The following ZNF529 variants were observed in gnomAD, a reference collection of about 807,000 sequenced individuals.
ZNF529 encodes zinc finger protein 529.
A neutral mutation model predicts 10.1 loss-of-function variants in ZNF529; 11 were observed. The ratio of observed to expected loss-of-function variants is 1.09; its 90% CI spans 0.69 to 1.81. ZNF529 has a LOEUF of 1.81. ZNF529 is among the 40% of genes most tolerant of loss of function. ZNF529 has a pLI of 0.00. For missense variants in ZNF529, 624 were observed against 666.8 expected (o/e 0.94, Z 0.71); for synonymous variants, 204 against 215.7 (o/e 0.95, Z 0.47).
intron 2 of ZNF529, among the ~76,000 whole-genome samples, chr19:36,562,611 G>T (rs778570360): frequency 6.6e-6 from 1 of 151,774 alleles, no homozygotes; most frequent in Non-Finnish European, 1.5e-5. Context: ...CGAGGTGGGC[G>T]GATCACGAGG....
chr19:36,554,790 C>T lies in ZNF529; in HGVS notation c.115G>A (p.Val39Met). The change falls in exon 4 of 5, where the codon GTG becomes ATG. Residue 39 changes from valine (V) to methionine (M), a missense_variant. Physicochemically the swap from Val to Met is conservative, Grantham distance 21 (BLOSUM62 1). Transcript: ENST00000591340. Reference protein sequence around the residue: ...FTVLTMDHELVTLRDVVINFS... With the variant: ...FTVLTMDHELMTLRDVVINFS... ...TTGATGACCACATCCCTGAGTGTCA[C>T]CAGTTCCTGAAACAACAAACCCGTA... is the stretch of plus-strand genomic sequence containing the variant. 6.4e-7 allele frequency: 1 copy of T among 1,555,518 alleles called. No individual in the cohort carries two copies. The highest frequency in any genetic ancestry group is 2.0e-5 in the Admixed American group (1 of 51,264).
intron 1 of ZNF529, among the ~76,000 whole-genome samples, chr19:36,590,929 CAA>C (rs34193887): frequency 7.2e-4 from 76 of 106,002 alleles, no homozygotes; most frequent in South Asian, 1.6e-3. Context: ...GACTCCGTCT[CAA>C]AAAAAAAAAA....
At chr19:36,560,236 A>G (rs1197155251) in intron 2 of ZNF529, among the ~76,000 whole-genome samples, 1 of 140,388 alleles carries the variant, frequency 7.1e-6, no homozygotes, top group Non-Finnish European at 1.5e-5. Flanking sequence ...CAGCCTGGGC[A>G]ACAAGAGCGA....
At chr19:36,548,585 G>A (rs2035142509) in intron 4 of ZNF529, among the ~76,000 whole-genome samples, 1 of 152,184 alleles carries the variant, frequency 6.6e-6, no homozygotes, top group African/African-American at 2.4e-5. Flanking sequence ...AAAATCTGTA[G>A]ATGTAGAACT....
chr19:36,552,331 G>T (rs1211763237), intron 4 of ZNF529, among the ~76,000 whole-genome samples: 1 of 152,140 alleles, frequency 6.6e-6, no homozygotes, highest in Non-Finnish European at 1.5e-5. Context: ...TCGGGAGGCT[G>T]AGACAGAATG....
upstream of ZNF529, among the ~76,000 whole-genome samples, chr19:36,578,254 C>A (rs8112546): frequency 7.8e-6 from 1 of 127,978 alleles, no homozygotes; most frequent in East Asian, 2.4e-4. Flanking sequence ...TTAGTAGAGA[C>A]GAGGTTTCAA....
intron 4 of ZNF529, among the ~76,000 whole-genome samples, chr19:36,550,843 A>T (rs1379079493): frequency 6.6e-6 from 1 of 152,226 alleles, no homozygotes; most frequent in African/African-American, 2.4e-5. Flanking sequence ...AAAGCTGAAA[A>T]TGTAGACTAA....
intron 2 of ZNF529, among the ~76,000 whole-genome samples, chr19:36,567,556 A>G (rs933702975): frequency 1.3e-5 from 2 of 152,044 alleles, no homozygotes; most frequent in African/African-American, 4.8e-5. Context: ...CTCCTGCCTC[A>G]GCCTCCTCCT....
chr19:36,578,218 C>T (rs2036376926), upstream of ZNF529, among the ~76,000 whole-genome samples: 2 of 149,730 alleles, frequency 1.3e-5, no homozygotes, highest in African/African-American at 4.9e-5. Flanking sequence ...GCCTGCGCCA[C>T]CGCACGCAGC....
intron 2 of ZNF529, among the ~76,000 whole-genome samples, chr19:36,558,588 T>TA (rs985176228): frequency 3.3e-5 from 5 of 151,836 alleles, no homozygotes; most frequent in Non-Finnish European, 5.9e-5. Context: ...CATCAACACA[T>TA]AAAAAAATGA....
intron 2 of ZNF529, among the ~76,000 whole-genome samples, chr19:36,586,171 G>C (rs1243450988): frequency 6.6e-6 from 1 of 152,162 alleles, no homozygotes; most frequent in Non-Finnish European, 1.5e-5. Flanking sequence ...TTTCAGTCCT[G>C]TTTTGTCATC....
At chr19:36,588,277 C>T (rs577635164) in intron 2 of ZNF529, among the ~76,000 whole-genome samples, 57 of 152,002 alleles carry the variant, frequency 3.7e-4, no homozygotes, top group Non-Finnish European at 6.6e-4. Context: ...GTGTCTCATG[C>T]CTTAAGGGAT....
intron 1 of ZNF529, among the ~76,000 whole-genome samples, chr19:36,601,961 G>A (rs1462934690): frequency 6.6e-6 from 1 of 151,834 alleles, no homozygotes; most frequent in Non-Finnish European, 1.5e-5. Flanking sequence ...TAGAGATAAG[G>A]TCTGGAACTC....
chr19:36,591,702 G>A (rs2036720762), intron 1 of ZNF529, among the ~76,000 whole-genome samples: 1 of 149,092 alleles, frequency 6.7e-6, no homozygotes, highest in African/African-American at 2.5e-5. Flanking sequence ...TCCAGCCTGG[G>A]CGACAGAGCG....
chr19:36,551,556 C>T (rs912097471), intron 4 of ZNF529, among the ~76,000 whole-genome samples: 1 of 152,092 alleles, frequency 6.6e-6, no homozygotes, highest in African/African-American at 2.4e-5. Flanking sequence ...TGGCTACTTA[C>T]TTACAGTAAT....
In ZNF529 at chr19:36,601,900, G is replaced by A. The variant is rs578055801; in HGVS notation, c.-128+3226C>T. Reference sequence around the variant, plus strand: ...AGGCAAAATTAAGGATATTATATAGGAGTTTATATAAAAGAGAGATGAAAA... The same window carrying A: ...AGGCAAAATTAAGGATATTATATAGAAGTTTATATAAAAGAGAGATGAAAA... On this transcript the variant is annotated intron_variant, in intron 1 of 4. Transcript: ENST00000585960. Among the ~76,000 whole-genome samples the A allele has an allele frequency of 5.3e-5, 8 of 152,082 alleles. No homozygotes were observed. In the East Asian group the frequency reaches 1.5e-3, roughly 29 times the overall value.
chr19:36,581,435 G>C (rs1216129010), intron 2 of ZNF529: 1 of 152,194 alleles, frequency 6.6e-6, no homozygotes, highest in Non-Finnish European at 1.5e-5. Context: ...ATTCATAGCA[G>C]CATTATTCAC....
At chr19:36,578,291 CTTTTTTTTTTTTTT>C (rs1159725232), upstream of ZNF529, among the ~76,000 whole-genome samples, 19 of 31,820 alleles carry the variant, frequency 6.0e-4, no homozygotes, top group African/African-American at 1.8e-3. Flanking sequence ...GTCTTGATCT[CTTTTTTTTTTTTTT>C]TTTTTTTTTT....
At chr19:36,568,052 G>A (rs2035962419) in intron 2 of ZNF529, among the ~76,000 whole-genome samples, 1 of 152,102 alleles carries the variant, frequency 6.6e-6, no homozygotes, top group Non-Finnish European at 1.5e-5. Context: ...TGGTCAACAA[G>A]TACATGGAAA....
Sources: allele counts gnomAD v4.1 joint callset (sites outside exome capture counted in the v4.1 genomes callset), GRCh38; gene constraint gnomAD v4.1.1; transcripts MANE v1.5; gene names NCBI Gene and HGNC (gene_info 2026-07-23, HGNC 2026-07-21).